AKAP11: variants seen among roughly 807,000 people sequenced by gnomAD.
AKAP11 encodes A-kinase anchoring protein 11.
A neutral mutation model predicts 146.1 loss-of-function variants in AKAP11; 36 were observed. The ratio of observed to expected loss-of-function variants is 0.25; its 90% confidence interval spans 0.19 to 0.33. The LOEUF (loss-of-function observed/expected upper bound fraction) is 0.33, where lower values mean the gene tolerates loss of function less well. AKAP11 is among the 10% of genes least tolerant of loss of function. AKAP11 has a pLI of 1.00. For synonymous variants in AKAP11, 780 were observed against 786.5 expected (o/e 0.99, Z 0.14); for missense variants, 2,201 against 2,197.0 (o/e 1.00, Z -0.04).
At position 42,300,098 on chromosome 13, in the gene AKAP11, G is replaced by A. The variant is rs541507380; in HGVS notation, c.1352G>A (p.Arg451Gln). The A allele has an allele frequency of 3.7e-6, 6 of 1,613,862 alleles. No individual in the cohort carries two copies. Among genetic ancestry groups the A allele is most frequent in the East Asian group, 4.5e-5 (2 of 44,890 alleles). Reference protein sequence around the residue: ...REDSGLFSPIRSSAFSPLGGC... With the variant: ...REDSGLFSPIQSSAFSPLGGC... ...GATAGTGGTTTATTTAGTCCTATTC[G>A]ATCCTCTGCTTTTAGTCCTCTTGGA... Residue 451 changes from arginine to glutamine, a missense_variant, in exon 8 of 13, where the codon CGA becomes CAA. This residue lies in a region of AKAP11 where 1,867 missense variants were observed against 1,833.5 expected (regional missense o/e 1.02). Coordinates refer to ENST00000025301, the MANE Select transcript of AKAP11 (RefSeq NM_016248.4).
chr13:42,303,971 TAAAC>T (rs1960118520), intron 8 of AKAP11, 108 bp downstream of exon 8: 3 of 1,332,148 alleles, frequency 2.3e-6, no homozygotes, highest in Non-Finnish European at 3.0e-6. Flanking sequence ...TAACCCTACA[TAAAC>T]AAAAGTTTTC....
At chr13:42,317,924 AGGG>A (rs1429376206) in intron 12 of AKAP11, among the ~76,000 whole-genome samples, 2 of 152,296 alleles carry the variant, frequency 1.3e-5, no homozygotes, top group East Asian at 3.9e-4. Context: ...TCTACCTTAC[AGGG>A]GTTTATGAGG....
chr13:42,299,703 C>T lies in AKAP11; in HGVS notation c.957C>T (p.Phe319=). ...SECSSPSPVI[F]LDEEGYQKSL... is the part of the protein sequence containing the mutation. Reference sequence around the variant, plus strand: ...GTTCAAGTCCAAGTCCTGTTATTTTCTTGGATGAAGAGGGATATCAAAAAA... The same window carrying T: ...GTTCAAGTCCAAGTCCTGTTATTTTTTTGGATGAAGAGGGATATCAAAAAA... The change falls in exon 8 of 13, where the codon TTC becomes TTT. Residue 319 remains phenylalanine, a synonymous_variant. Coordinates refer to ENST00000025301, the MANE Select transcript of AKAP11 (RefSeq NM_016248.4). The T allele has an allele frequency of 1.2e-6, 2 of 1,613,840 alleles. No individual in the cohort carries two copies. Among genetic ancestry groups the T allele is most frequent in the Non-Finnish European group, 1.7e-6 (2 of 1,179,870 alleles).
At position 42,301,018 on chromosome 13, in the gene AKAP11, C is replaced by A; in HGVS notation, c.2272C>A (p.Gln758Lys). The A allele has an allele frequency of 1.2e-6, 2 of 1,614,066 alleles. No homozygotes were observed. Among genetic ancestry groups the A allele is most frequent in the East Asian group, 4.5e-5 (2 of 44,878 alleles). ...AGCAATTATGGTGACAAAACCAGTG[C>A]AGGAATATAAAAAGGAATACACAGT... is the stretch of plus-strand genomic sequence containing the variant. The part of the protein sequence containing the change: ...NQAIMVTKPV[Q>K]EYKKEYTVQQ... The change falls in exon 8 of 13, where the codon CAG becomes AAG. Residue 758 changes from glutamine (Q) to lysine (K), a missense_variant. Transcript: ENST00000025301.
At chr13:42,289,879 A>G (rs1231136846) in intron 3 of AKAP11, among the ~76,000 whole-genome samples, 1 of 152,178 alleles carries the variant, frequency 6.6e-6, no homozygotes, top group East Asian at 1.9e-4. Context: ...AGCCCACAGA[A>G]AAGTTGAGAA....
chr13:42,306,279 T>C (rs1019281083), intron 8 of AKAP11, among the ~76,000 whole-genome samples: 1 of 152,244 alleles, frequency 6.6e-6, no homozygotes, highest in Non-Finnish European at 1.5e-5. Context: ...TGCTTCAGGC[T>C]ATTTTACTTT....
At chr13:42,272,716 C>CGCT (rs1958806811) in intron 1 of AKAP11, among the ~76,000 whole-genome samples, 1 of 152,124 alleles carries the variant, frequency 6.6e-6, no homozygotes, top group Non-Finnish European at 1.5e-5. Context: ...TGGAAGCAGG[C>CGCT]GCTGCTCAGA....
chr13:42,274,159 G>A (rs75448812), intron 1 of AKAP11, among the ~76,000 whole-genome samples: 3 of 151,866 alleles, frequency 2.0e-5, no homozygotes, highest in Admixed American at 6.6e-5. Context: ...AACTGATTTT[G>A]TTTTTTTTCC....
At position 42,322,180 on chromosome 13, in the gene AKAP11, T is replaced by C. The variant is rs1961114079; in HGVS notation, c.*2952T>C. 1 of 152,336 alleles carries C rather than the reference T, an allele frequency of 6.6e-6. No individual in the cohort carries two copies. The highest frequency in any genetic ancestry group is 1.5e-5 in the Non-Finnish European group (1 of 67,998). 9.4% of individuals were successfully genotyped at this position (152,336 alleles called of 1,614,324 possible). On this transcript the variant is annotated 3_prime_UTR_variant, in exon 13 of 13. Transcript: ENST00000025301. Reference sequence around the variant, plus strand: ...GTGAATATATGTGATAACATCTTTATACTTTGAAAAATGTTCCACTTACCC... The same window carrying C: ...GTGAATATATGTGATAACATCTTTACACTTTGAAAAATGTTCCACTTACCC...
chr13:42,278,322 T>C (rs1958977112), intron 1 of AKAP11, among the ~76,000 whole-genome samples: 1 of 152,232 alleles, frequency 6.6e-6, no homozygotes, highest in South Asian at 2.1e-4. Flanking sequence ...TAGTATCTGA[T>C]AGCTGTAGTA....
At chr13:42,295,660 T>G in intron 4 of AKAP11, 35 bp from the exon 5 acceptor site, 2 of 1,596,396 alleles carry the variant, frequency 1.3e-6, no homozygotes, top group Non-Finnish European at 1.7e-6. Flanking sequence ...ATTTAAAAAT[T>G]CAAATTAATG....
intron 1 of AKAP11, 105 bp downstream of exon 1, chr13:42,272,333 C>T (rs1250298231): frequency 6.6e-6 from 1 of 152,150 alleles, no homozygotes; most frequent in Non-Finnish European, 1.5e-5. Flanking sequence ...GCGCTCCAGC[C>T]CCTCCGCCTG....
At chr13:42,279,277 A>ACG (rs1482475612) in intron 1 of AKAP11, among the ~76,000 whole-genome samples, 1 of 150,040 alleles carries the variant, frequency 6.7e-6, no homozygotes, top group African/African-American at 2.5e-5. Context: ...ACACACACAC[A>ACG]CACACTCTCT....
At chr13:42,307,516 A>G (rs1257071553) in intron 8 of AKAP11, among the ~76,000 whole-genome samples, 3 of 152,196 alleles carry the variant, frequency 2.0e-5, no homozygotes, top group Non-Finnish European at 4.4e-5. Context: ...CAGGGGAAAC[A>G]ATACTGGCAA....
intron 8 of AKAP11, among the ~76,000 whole-genome samples, chr13:42,307,509 G>A (rs1031677738): frequency 5.9e-5 from 9 of 152,100 alleles, no homozygotes; most frequent in African/African-American, 2.2e-4. Flanking sequence ...TAGGTAGCAG[G>A]GGAAACAATA....
intron 7 of AKAP11, 139 bp downstream of exon 7, chr13:42,298,936 C>A: frequency 2.3e-6 from 2 of 873,378 alleles, no homozygotes; most frequent in Non-Finnish European, 3.3e-6. Context: ...TTTCTGATTA[C>A]CTAAGGAAAT....
At chr13:42,309,541 A>G (rs1238258002) in intron 9 of AKAP11, among the ~76,000 whole-genome samples, 4 of 152,240 alleles carry the variant, frequency 2.6e-5, no homozygotes, top group Non-Finnish European at 5.9e-5. Flanking sequence ...AGAACACTTC[A>G]TCTCGAAGAG....
rs1049969063 is a variant in AKAP11, at chr13:42,322,199, C to T, written c.*2971C>T. The stretch of plus-strand genomic sequence containing the variant: ...TCTTTATACTTTGAAAAATGTTCCA[C>T]TTACCCTTCAGATATTTGTTGTAAG... On this transcript the variant is annotated 3_prime_UTR_variant, in exon 13 of 13. Coordinates refer to ENST00000025301, the MANE Select transcript of AKAP11 (RefSeq NM_016248.4). 6 of 152,290 alleles carry T rather than the reference C, an allele frequency of 3.9e-5. No homozygotes were observed. The highest frequency in any genetic ancestry group is 8.8e-5 in the Non-Finnish European group (6 of 67,972). 9.4% of individuals were successfully genotyped at this position (152,290 alleles called of 1,614,324 possible). A position where few individuals can be genotyped will look rare whatever the true frequency, so the allele number is the denominator to read the frequency against.
chr13:42,283,136 C>T (rs1280303518), intron 1 of AKAP11, among the ~76,000 whole-genome samples: 1 of 152,116 alleles, frequency 6.6e-6, no homozygotes, highest in Non-Finnish European at 1.5e-5. Context: ...AAAAGTATGT[C>T]ATATCATCTC....
Sources: allele counts gnomAD v4.1 joint callset (sites outside exome capture counted in the v4.1 genomes callset), GRCh38; gene constraint gnomAD v4.1.1; regional missense constraint gnomAD v4.1.1; transcripts MANE v1.5; gene names NCBI Gene and HGNC (gene_info 2026-07-23, HGNC 2026-07-21).